CTPS2: variants seen among roughly 807,000 people sequenced by gnomAD.
CTPS2 encodes CTP synthase II.
In CTPS2, 19 loss-of-function variants were observed where a neutral mutation model predicts 46.8. The ratio of observed to expected loss-of-function variants is 0.41; its 90% CI spans 0.28 to 0.60. CTPS2 has a LOEUF of 0.60. Among genes scored for constraint, CTPS2 ranks in the 20% least tolerant of loss-of-function variants. The pLI, the probability that CTPS2 is intolerant of heterozygous loss-of-function variation, is 0.35. For synonymous variants in CTPS2, 151 were observed against 165.2 expected (o/e 0.91, Z 0.66); for missense variants, 286 against 447.6 (o/e 0.64, Z 3.26).
At chrX:16,629,764 C>T (rs1031376070) in intron 14 of CTPS2, among the ~76,000 whole-genome samples, 1 of 111,909 alleles carries the variant, frequency 8.9e-6, no homozygotes, top group African/African-American at 3.2e-5. Context: ...TAGACTTAAC[C>T]ACTCTGCATT....
intron 1 of CTPS2, among the ~76,000 whole-genome samples, chrX:16,705,551 T>C (rs1206256921): frequency 8.9e-6 from 1 of 112,482 alleles, no homozygotes; most frequent in Non-Finnish European, 1.9e-5. Flanking sequence ...TCAATACACA[T>C]GAGTCAGGAC....
At chrX:16,654,911 A>G (rs1367483554) in intron 13 of CTPS2, among the ~76,000 whole-genome samples, 3 of 110,785 alleles carry the variant, frequency 2.7e-5, no homozygotes, top group Non-Finnish European at 5.7e-5. Context: ...AAAAATAAAA[A>G]TAAAAAAATA....
Position 16,620,261 on chromosome X carries a change from A to C in CTPS2, c.1449+16T>G. On this transcript the variant is annotated intron_variant, in intron 15 of 18. Transcript: ENST00000359276. ...AAGCATCCATATTCCCCAGTAATTC[A>C]GCATGAAAGCCGTACCTCGAACCGA... 8.5e-7 allele frequency: 1 copy of C among 1,174,599 alleles called. No individual in the cohort carries two copies. The highest frequency in any genetic ancestry group is 1.8e-5 in the South Asian group (1 of 55,367).
chrX:16,601,572 C>CGGG (rs5901589), intron 17 of CTPS2, among the ~76,000 whole-genome samples: 1 of 70,647 alleles, frequency 1.4e-5, no homozygotes, highest in Non-Finnish European at 2.7e-5. Flanking sequence ...GGGAAGCCAT[C>CGGG]GGGGGGGGGG....
chrX:16,711,966 A>G (rs1274367991), intron 1 of CTPS2: 1 of 110,546 alleles, frequency 9.0e-6, no homozygotes, highest in Admixed American at 9.5e-5. Context: ...CGCCAACGCC[A>G]TCTCAGGGCT....
At chrX:16,649,600 TC>T (rs1932500717) in intron 13 of CTPS2, among the ~76,000 whole-genome samples, 1 of 111,644 alleles carries the variant, frequency 9.0e-6, no homozygotes, top group Admixed American at 9.6e-5. Context: ...TAAGGAATCC[TC>T]CCACCTCAGC....
intron 10 of CTPS2, among the ~76,000 whole-genome samples, chrX:16,671,795 G>A (rs375189255): frequency 5.4e-5 from 6 of 111,203 alleles, no homozygotes; most frequent in African/African-American, 2.0e-4. Context: ...GATTACAGGC[G>A]TGAGCCACCA....
At chrX:16,596,533 T>G (rs1929283480) in intron 17 of CTPS2, among the ~76,000 whole-genome samples, 1 of 110,403 alleles carries the variant, frequency 9.1e-6, no homozygotes, top group South Asian at 3.9e-4. Flanking sequence ...CATCATTTTT[T>G]ATGGCTGCAT....
intron 11 of CTPS2, among the ~76,000 whole-genome samples, chrX:16,669,137 G>A (rs1921498913): frequency 9.2e-6 from 1 of 108,671 alleles, no homozygotes; most frequent in Non-Finnish European, 1.9e-5. Context: ...CTTGAGCATG[G>A]TGGGCAGCAG....
chrX:16,667,377 G>T (rs1277967912), intron 13 of CTPS2, 137 bp downstream of exon 13: 5 of 603,883 alleles, frequency 8.3e-6, no homozygotes, highest in Admixed American at 2.8e-5. Context: ...CAAGTGATCC[G>T]CCCGCCTTGA....
intron 2 of CTPS2, among the ~76,000 whole-genome samples, chrX:16,701,380 A>T (rs1445273551): frequency 9.2e-6 from 1 of 108,796 alleles, no homozygotes; most frequent in Non-Finnish European, 1.9e-5. Flanking sequence ...AACATGGCGA[A>T]ATCCCAGCTC....
chrX:16,709,860 A>AC (rs1925334175), intron 1 of CTPS2, among the ~76,000 whole-genome samples: 1 of 107,304 alleles, frequency 9.3e-6, no homozygotes, highest in Non-Finnish European at 1.9e-5. Context: ...AAAAAAAAAA[A>AC]AAAAAAAAAA....
intron 13 of CTPS2, chrX:16,654,590 G>A (rs766763716): frequency 2.0e-6 from 1 of 508,426 alleles, no homozygotes; most frequent in Non-Finnish European, 3.2e-6. Flanking sequence ...ATCCCCCAAA[G>A]TCTCTGGTTT....
intron 17 of CTPS2, among the ~76,000 whole-genome samples, chrX:16,598,053 A>G (rs1168914622): frequency 9.2e-6 from 1 of 109,261 alleles, no homozygotes; most frequent in Non-Finnish European, 1.9e-5. Flanking sequence ...TTGTATCCTG[A>G]GACTTTGCTG....
chrX:16,618,956 C>T (rs1930673564), intron 15 of CTPS2, among the ~76,000 whole-genome samples: 1 of 111,920 alleles, frequency 8.9e-6, no homozygotes, highest in Non-Finnish European at 1.9e-5. Flanking sequence ...ATCTCCAATG[C>T]ATACCAGATG....
At chrX:16,638,698 C>A in intron 14 of CTPS2, 1 of 263,988 alleles carries the variant, frequency 3.8e-6, no homozygotes, top group East Asian at 9.9e-5. Flanking sequence ...TTCTGAGGTG[C>A]ATAACTGCCC....
chrX:16,679,920 C>T (rs1469424945), intron 9 of CTPS2, among the ~76,000 whole-genome samples: 1 of 111,428 alleles, frequency 9.0e-6, no homozygotes, highest in Non-Finnish European at 1.9e-5. Context: ...TTTGTTACAG[C>T]AGCCTGAACA....
At chrX:16,692,325 G>A (rs143356086) in intron 6 of CTPS2, among the ~76,000 whole-genome samples, 32 of 110,163 alleles carry the variant, frequency 2.9e-4, no homozygotes, top group Non-Finnish European at 4.0e-4. Context: ...AAATTAGTGC[G>A]CTGTGGTAGC....
chrX:16,702,370 A>G (rs984097449), intron 2 of CTPS2, among the ~76,000 whole-genome samples: 5 of 112,546 alleles, frequency 4.4e-5, no homozygotes, highest in Middle Eastern at 4.6e-3. Flanking sequence ...AAAGTTTTTT[A>G]AAAATAGCAT....
Sources: allele counts gnomAD v4.1 joint callset (sites outside exome capture counted in the v4.1 genomes callset), GRCh38; gene constraint gnomAD v4.1.1; transcripts MANE v1.5; gene names NCBI Gene and HGNC (gene_info 2026-07-23, HGNC 2026-07-21).